Variants in GFRA1 observed in about 807,000 individuals in gnomAD.
The protein encoded by GFRA1 is GDNF family receptor alpha-1.
In GFRA1, 16 loss-of-function variants were observed where a neutral mutation model predicts 51.6. That is an observed-to-expected ratio of 0.31 (90% CI 0.21 to 0.47). The LOEUF (loss-of-function observed/expected upper bound fraction) is 0.47, where lower values mean the gene tolerates loss of function less well. Among genes scored for constraint, GFRA1 ranks in the 20% least tolerant of loss-of-function variants. The pLI is 1.00. For missense variants in GFRA1, 530 were observed against 594.3 expected, an observed-to-expected ratio of 0.89 and a Z score of 1.13; for synonymous variants, 270 against 241.3, an observed-to-expected ratio of 1.12 and a Z score of -1.10.
At chr10:116,155,165 T>A (rs997094704) in intron 5 of GFRA1, among the ~76,000 whole-genome samples, 4 of 152,206 alleles carry the variant, frequency 2.6e-5, no homozygotes. Flanking sequence ...TGGTTATGTA[T>A]TATAATTCCC....
At chr10:116,268,391 A>C (rs1969839002) in intron 4 of GFRA1, among the ~76,000 whole-genome samples, 1 of 152,236 alleles carries the variant, frequency 6.6e-6, no homozygotes, top group Non-Finnish European at 1.5e-5. Context: ...ATAAGACTTA[A>C]TCAATGTCAG....
rs1316057718 is a variant in GFRA1 at position 116,143,002 on chromosome 10, CT to C, written c.434-17446del. 2.0e-5 allele frequency among the ~76,000 whole-genome samples: 3 copies of C among 152,350 alleles called. No homozygotes were observed. The East Asian group carries it at 5.8e-4, about 29-fold the overall frequency. On this transcript the variant is annotated intron_variant, in intron 5 of 10. Transcript: ENST00000355422. ...GTAAAGCACAGGTCCACTTCCCACTCTGACGGGCCAGTATTTTTAATGCTTT... is the reference window on the plus strand; with the variant it reads ...GTAAAGCACAGGTCCACTTCCCACTCGACGGGCCAGTATTTTTAATGCTTT...
chr10:116,141,120 G>A (rs996087154), intron 5 of GFRA1, among the ~76,000 whole-genome samples: 3 of 152,206 alleles, frequency 2.0e-5, no homozygotes, highest in Admixed American at 6.5e-5. Context: ...TAATGTTCAC[G>A]TAAAGATTTC....
intron 4 of GFRA1, among the ~76,000 whole-genome samples, chr10:116,256,376 C>G (rs967613444): frequency 6.6e-6 from 1 of 152,172 alleles, no homozygotes; most frequent in African/African-American, 2.4e-5. Flanking sequence ...GAGGGTCCAC[C>G]CGGTAGGTCC....
intron 5 of GFRA1, among the ~76,000 whole-genome samples, chr10:116,149,187 T>C (rs542470022): frequency 6.6e-6 from 1 of 152,288 alleles, no homozygotes; most frequent in South Asian, 2.1e-4. Flanking sequence ...CGAGAATACT[T>C]AGGGTATAAC....
chr10:116,094,987 C>A (rs924337949), intron 7 of GFRA1, among the ~76,000 whole-genome samples: 1 of 152,166 alleles, frequency 6.6e-6, no homozygotes, highest in Admixed American at 6.5e-5. Context: ...GAGATCCAGA[C>A]CCAACAGAGA....
intron 9 of GFRA1, among the ~76,000 whole-genome samples, chr10:116,084,223 T>C (rs1589772807): frequency 6.6e-6 from 1 of 152,210 alleles, no homozygotes; most frequent in South Asian, 2.1e-4. Flanking sequence ...CTCTGCATGG[T>C]TGATTTTAAC....
intron 4 of GFRA1, among the ~76,000 whole-genome samples, chr10:116,214,428 G>C (rs1965423835): frequency 6.6e-6 from 1 of 152,084 alleles, no homozygotes; most frequent in Non-Finnish European, 1.5e-5. Flanking sequence ...AAAGAGGGCT[G>C]GTCTGTCCTA....
At chr10:116,164,923 A>G (rs1314920462) in intron 5 of GFRA1, among the ~76,000 whole-genome samples, 1 of 152,160 alleles carries the variant, frequency 6.6e-6, no homozygotes, top group East Asian at 1.9e-4. Context: ...ACGATTTTTA[A>G]AACAAGTTTT....
At chr10:116,224,898 C>A (rs1263955119) in intron 4 of GFRA1, among the ~76,000 whole-genome samples, 1 of 152,144 alleles carries the variant, frequency 6.6e-6, no homozygotes, top group Admixed American at 6.5e-5. Context: ...CTCTCTGAGC[C>A]ACAGCTAGGC....
chr10:116,255,002 G>A (rs1408830072), intron 4 of GFRA1, among the ~76,000 whole-genome samples: 1 of 152,156 alleles, frequency 6.6e-6, no homozygotes, highest in Non-Finnish European at 1.5e-5. Context: ...CACGCACAAG[G>A]CAGTTGCAGT....
intron 5 of GFRA1, among the ~76,000 whole-genome samples, chr10:116,172,414 A>T (rs1048850102): frequency 4.6e-5 from 7 of 152,172 alleles, no homozygotes; most frequent in Admixed American, 6.5e-5. Context: ...GTCAGAGTCC[A>T]TTAAGGAAGG....
chr10:116,225,213 A>T (rs1002670043), intron 4 of GFRA1, among the ~76,000 whole-genome samples: 1 of 152,242 alleles, frequency 6.6e-6, no homozygotes, highest in Non-Finnish European at 1.5e-5. Flanking sequence ...TTGCTTGTTC[A>T]TAATTTTTTA....
At chr10:116,162,073 C>A (rs1411067593) in intron 5 of GFRA1, among the ~76,000 whole-genome samples, 1 of 152,192 alleles carries the variant, frequency 6.6e-6, no homozygotes, top group Non-Finnish European at 1.5e-5. Context: ...GCTTTCTGAA[C>A]AACATTCTCT....
intron 4 of GFRA1, among the ~76,000 whole-genome samples, chr10:116,247,422 C>CA (rs1967956511): frequency 6.6e-6 from 1 of 152,232 alleles, no homozygotes; most frequent in Admixed American, 6.5e-5. Context: ...TTGTCTTCTT[C>CA]AAAACCCCCA....
intron 4 of GFRA1, chr10:116,226,807 G>A: frequency 5.0e-6 from 2 of 398,718 alleles, no homozygotes; most frequent in African/African-American, 2.0e-5. Flanking sequence ...TACCTGGGAG[G>A]GATGGGAGAC....
chr10:116,200,730 A>C (rs1335570733), intron 5 of GFRA1, among the ~76,000 whole-genome samples: 2 of 152,166 alleles, frequency 1.3e-5, no homozygotes, highest in Non-Finnish European at 1.5e-5. Flanking sequence ...TTTTTTTATA[A>C]GGGTGCTAAT....
intron 5 of GFRA1, among the ~76,000 whole-genome samples, chr10:116,188,697 A>T (rs574146349): frequency 6.6e-6 from 1 of 152,118 alleles, no homozygotes; most frequent in East Asian, 1.9e-4. Flanking sequence ...TGAGGTAAGG[A>T]GTTTGAGACC....
chr10:116,102,617 C>G (rs1190877218), intron 6 of GFRA1, among the ~76,000 whole-genome samples: 2 of 152,218 alleles, frequency 1.3e-5, no homozygotes, highest in Non-Finnish European at 2.9e-5. Flanking sequence ...CCACATCTTA[C>G]ATGGTGGCAG....
Sources: gnomAD v4.1 joint callset for allele counts (sites outside exome capture counted in the v4.1 genomes callset) on GRCh38, gnomAD v4.1.1 for gene constraint, MANE v1.5 for transcripts, NCBI Gene and HGNC (gene_info 2026-07-23, HGNC 2026-07-21) for gene names.